Variants in FAM83A observed in about 807,000 individuals in gnomAD.
FAM83A encodes the protein protein FAM83A.
FAM83A carries 21 observed loss-of-function variants against 24.4 expected under a neutral mutation model. The observed-to-expected ratio is 0.86, with a 90% CI of 0.61 to 1.24. FAM83A has a LOEUF of 1.24. Among genes scored for constraint, FAM83A ranks in the 50% most tolerant of loss-of-function variants. The probability of loss-of-function intolerance (pLI) is 0.00; values close to 1 mark genes in which losing one functional copy is unlikely to be tolerated. For synonymous variants in FAM83A, 270 were observed against 252.4 expected (o/e 1.07, Z -0.66); for missense variants, 617 against 579.8 (o/e 1.06, Z -0.66).
At chr8:123,195,760 A>AT (rs985209831) in intron 3 of FAM83A, among the ~76,000 whole-genome samples, 1 of 152,062 alleles carries the variant, frequency 6.6e-6, no homozygotes, top group African/African-American at 2.4e-5. Context: ...TAAAAAAAAA[A>AT]GGTGAGGGAG....
At chr8:123,196,003 C>A (rs188472597) in intron 3 of FAM83A, among the ~76,000 whole-genome samples, 1 of 152,326 alleles carries the variant, frequency 6.6e-6, no homozygotes, top group Admixed American at 6.5e-5. Context: ...CTTTTGTGAA[C>A]AACATATCAT....
In FAM83A at chr8:123,209,456, CA is replaced by C; in HGVS notation, c.*1775del. On this transcript the variant is annotated 3_prime_UTR_variant, in exon 4 of 4. Coordinates refer to ENST00000690554, the Ensembl canonical transcript of FAM83A. The surrounding 1 kb of genome is among the most constrained non-coding windows in gnomAD (Gnocchi z 4.7). Reference sequence around the variant, plus strand: ...GAAAGTAAACAAAACAAAACAAAAACAAAAAAACAAACAACACTTTGGTTCC... The same window carrying C: ...GAAAGTAAACAAAACAAAACAAAAACAAAAAACAAACAACACTTTGGTTCC... The C allele has an allele frequency of 6.2e-7, 1 of 1,613,960 alleles. No homozygotes were observed. Among genetic ancestry groups the C allele is most frequent in the Non-Finnish European group, 8.5e-7 (1 of 1,179,984 alleles).
At chr8:123,191,906 A>G (rs752559993) in exon 2 of FAM83A, 1 of 1,614,210 alleles carries the variant, frequency 6.2e-7, no homozygotes, top group Non-Finnish European at 8.5e-7. Context: ...CTCCTGGACC[A>G]GGGAGGTGTG....
At position 123,209,731 on chromosome 8, in the gene FAM83A, C is replaced by G; in HGVS notation, c.*2043C>G. On this transcript the variant is annotated 3_prime_UTR_variant, in exon 4 of 4. Coordinates refer to ENST00000690554, the Ensembl canonical transcript of FAM83A. The surrounding 1 kb of genome is among the most constrained non-coding windows in gnomAD (Gnocchi z 4.7). ...AACCTGCAGGCAGGAACAAGCCCCC[C>G]TACTCCTGACCACCCTCCATCAGCA... 1 of 634,456 alleles carries G rather than the reference C, an allele frequency of 1.6e-6. No homozygotes were observed. Among genetic ancestry groups the G allele is most frequent in the Non-Finnish European group, 2.7e-6 (1 of 368,250 alleles). 39.3% of individuals were successfully genotyped at this position (634,456 alleles called of 1,614,324 possible).
Position 123,209,645 on chromosome 8 carries a change from C to G in FAM83A, c.*1957C>G. Reference sequence around the variant, plus strand: ...TGCCAGGTCACAGAAGCTCCCAAGCCCAGCTTTCCAAAGGCCTCAGCCTGT... The same window carrying G: ...TGCCAGGTCACAGAAGCTCCCAAGCGCAGCTTTCCAAAGGCCTCAGCCTGT... On this transcript the variant is annotated 3_prime_UTR_variant, in exon 4 of 4. Coordinates refer to ENST00000690554, the Ensembl canonical transcript of FAM83A. This position sits in a 1 kb window ranked among gnomAD's most constrained non-coding sequence, Gnocchi z 4.7. 1 of 1,373,914 alleles carries G rather than the reference C, an allele frequency of 7.3e-7. No individual in the cohort carries two copies. Among genetic ancestry groups the G allele is most frequent in the South Asian group, 1.2e-5 (1 of 81,750 alleles). The allele number at this position is 1,373,914 out of a possible 1,614,324, so 85.1% of individuals were successfully genotyped here. A position where few individuals can be genotyped will look rare whatever the true frequency, so the allele number is the denominator to read the frequency against.
chr8:123,205,948 GC>G (rs1234415573), intron 3 of FAM83A, among the ~76,000 whole-genome samples: 1 of 152,010 alleles, frequency 6.6e-6, no homozygotes, highest in Admixed American at 6.6e-5. Flanking sequence ...TTCGAGACCA[GC>G]CTGGCCAACA....
chr8:123,179,224 G>T (rs1292950799), upstream of FAM83A: 2 of 152,198 alleles, frequency 1.3e-5, no homozygotes, highest in Non-Finnish European at 2.9e-5. Context: ...GTGCAAAAGT[G>T]TTGGGAGGTG....
intron 1 of FAM83A, among the ~76,000 whole-genome samples, chr8:123,190,484 C>G (rs1360350154): frequency 6.6e-6 from 1 of 151,302 alleles, no homozygotes; most frequent in Non-Finnish European, 1.5e-5. Flanking sequence ...AGGCTGGTCT[C>G]GAGCTCCAGA....
At chr8:123,208,912 T>C in exon 4 of FAM83A, 1 of 971,866 alleles carries the variant, frequency 1.0e-6, no homozygotes, top group South Asian at 4.8e-5. Context: ...TGCAATGAGC[T>C]GAGATTGCAT....
chr8:123,199,732 C>T (rs907966051), intron 3 of FAM83A: 1 of 150,648 alleles, frequency 6.6e-6, no homozygotes, highest in African/African-American at 2.4e-5. Context: ...GAAATTCTGT[C>T]TCAAAAAAAA....
chr8:123,197,912 C>A (rs765217978), intron 3 of FAM83A, among the ~76,000 whole-genome samples: 2 of 152,290 alleles, frequency 1.3e-5, no homozygotes, highest in African/African-American at 2.4e-5. Context: ...GGTAGATTAC[C>A]TGAGGTCAGT....
At position 123,194,244 on chromosome 8, in the gene FAM83A, A is replaced by G. The variant is rs982738182; in HGVS notation, c.773+96A>G. On this transcript the variant is annotated intron_variant, in intron 3 of 3. Coordinates refer to ENST00000690554, the Ensembl canonical transcript of FAM83A. Reference sequence around the variant, plus strand: ...CCGCTGCTCAGACACAAACACCCCCAGCAGCTCCCAGAAGGTCTCCCTCTG... The same window carrying G: ...CCGCTGCTCAGACACAAACACCCCCGGCAGCTCCCAGAAGGTCTCCCTCTG... The G allele has an allele frequency of 2.5e-5, 39 of 1,532,224 alleles. No homozygotes were observed. The Admixed American group carries it at 6.9e-4, about 27-fold the overall frequency. The allele number at this position is 1,532,224 out of a possible 1,614,324, so 94.9% of individuals were successfully genotyped here. A position where few individuals can be genotyped will look rare whatever the true frequency, so the allele number is the denominator to read the frequency against.
intron 1 of FAM83A, among the ~76,000 whole-genome samples, chr8:123,189,422 T>G (rs185736270): frequency 6.6e-6 from 1 of 152,278 alleles, no homozygotes; most frequent in East Asian, 1.9e-4. Context: ...ATTAGAAAGA[T>G]AGTGGAAACT....
rs1563778557 is a variant in FAM83A, at chr8:123,183,274, CA to C, written c.419del (p.Gln140ArgfsTer26). 6.2e-7 allele frequency: 1 copy of C among 1,613,294 alleles called. No individual in the cohort carries two copies. On this transcript the variant is annotated frameshift_variant, in exon 1 of 4. Coordinates refer to ENST00000690554, the Ensembl canonical transcript of FAM83A. LOFTEE classifies it high-confidence loss of function. ...AAAATCCAGCGCCACTGTGTACTTC[CA>C]GACCGTCAAGCACAACAACATCAGA...
intron 1 of FAM83A, among the ~76,000 whole-genome samples, chr8:123,188,032 GTAT>G (rs1167599333): frequency 3.4e-5 from 5 of 147,000 alleles, no homozygotes; most frequent in Non-Finnish European, 7.6e-5. Flanking sequence ...GCTAACTTTT[GTAT>G]TATTATTATT....
rs560862337 is a variant in FAM83A, at chr8:123,192,081, G to T, written c.648+111G>T. 3.9e-6 allele frequency: 5 copies of T among 1,283,608 alleles called. No individual in the cohort carries two copies. The East Asian group carries it at 7.1e-5, about 18-fold the overall frequency. 79.5% of individuals were successfully genotyped at this position (1,283,608 alleles called of 1,614,324 possible). A position where few individuals can be genotyped will look rare whatever the true frequency, so the allele number is the denominator to read the frequency against. On this transcript the variant is annotated intron_variant, in intron 2 of 3. Transcript: ENST00000690554. ...TGTGTTAATAGCTTAACACAATAAA[G>T]GTTCATTTCTTGCTCAAACAAACTC...
intron 1 of FAM83A, among the ~76,000 whole-genome samples, chr8:123,190,286 G>C (rs558494156): frequency 1.3e-5 from 2 of 152,114 alleles, no homozygotes; most frequent in Non-Finnish European, 2.9e-5. Context: ...TTTTGAGACA[G>C]AGTCTCTTTC....
At chr8:123,207,123 C>G in intron 3 of FAM83A, 34 bp from the exon 4 acceptor site, 1 of 1,081,856 alleles carries the variant, frequency 9.2e-7, no homozygotes. Flanking sequence ...CTTCCCCCTT[C>G]TCCTCCATCA....
At chr8:123,189,828 G>A (rs1287708818) in intron 1 of FAM83A, among the ~76,000 whole-genome samples, 2 of 152,136 alleles carry the variant, frequency 1.3e-5, no homozygotes, top group South Asian at 4.1e-4. Context: ...ACCACCTTGG[G>A]CACATGTCGT....
Sources: allele counts gnomAD v4.1 joint callset (sites outside exome capture counted in the v4.1 genomes callset), GRCh38; gene constraint gnomAD v4.1.1; non-coding constraint Gnocchi (gnomAD v3.1); transcripts MANE v1.5; gene names NCBI Gene and HGNC (gene_info 2026-07-23, HGNC 2026-07-21).